The following CTNNAL1 variants were observed in gnomAD, a reference collection of about 807,000 sequenced individuals.
The protein encoded by CTNNAL1 is alpha-catulin.
In CTNNAL1, 69 loss-of-function variants were observed where a neutral mutation model predicts 93.6. The observed-to-expected ratio is 0.74, with a 90% CI of 0.61 to 0.90. CTNNAL1 has a LOEUF of 0.90. Among genes scored for constraint, CTNNAL1 ranks in the 40% least tolerant of loss-of-function variants. CTNNAL1 has a pLI of 0.00. For synonymous variants in CTNNAL1, 286 were observed against 305.4 expected, an observed-to-expected ratio of 0.94 and a Z score of 0.66; for missense variants, 836 against 862.0, an observed-to-expected ratio of 0.97 and a Z score of 0.38.
At chr9:108,997,662 C>T (rs1832072923) in intron 2 of CTNNAL1, among the ~76,000 whole-genome samples, 1 of 152,162 alleles carries the variant, frequency 6.6e-6, no homozygotes, top group Non-Finnish European at 1.5e-5. Context: ...CAGAGTTCCT[C>T]ATCTCAGTAG....
chr9:108,986,772 T>C (rs1831621850), intron 4 of CTNNAL1, among the ~76,000 whole-genome samples: 1 of 152,386 alleles, frequency 6.6e-6, no homozygotes, highest in Non-Finnish European at 1.5e-5. Flanking sequence ...ATTTCTCTGA[T>C]GGCCAGTGAT....
At chr9:108,947,159 A>T (rs1177462724) in intron 15 of CTNNAL1, among the ~76,000 whole-genome samples, 2 of 148,012 alleles carry the variant, frequency 1.4e-5, no homozygotes, top group African/African-American at 5.0e-5. Flanking sequence ...TGTCACCCAG[A>T]CTGGAGTGCA....
intron 1 of CTNNAL1, among the ~76,000 whole-genome samples, chr9:109,001,990 C>T (rs72607159): frequency 0.22 from 33,257 of 152,116 alleles, 4,454 homozygotes; most frequent in Admixed American, 0.3. Context: ...GCTGTAAAAT[C>T]GGGCAGTGAA....
chr9:108,992,755 G>T lies in CTNNAL1; in HGVS notation c.396C>A (p.Ile132=). ...NLNHLESDGQ[I]TIFTDKTGVI... is the part of the protein sequence containing the mutation. The stretch of plus-strand genomic sequence containing the variant: ...CTCCTGTTTTGTCTGTAAAAATTGT[G>T]ATCTGCCCATCAGATTCCAGATGGT... Residue 132 remains isoleucine, a synonymous_variant, in exon 3 of 19, where the codon ATC becomes ATA. Transcript: ENST00000325551. 6.2e-7 allele frequency: 1 copy of T among 1,613,922 alleles called. No homozygotes were observed. The highest frequency in any genetic ancestry group is 8.5e-7 in the Non-Finnish European group (1 of 1,179,926).
chr9:108,979,271 A>C lies in CTNNAL1; in HGVS notation c.1101+10T>G. The C allele has an allele frequency of 6.2e-7, 1 of 1,613,686 alleles. No individual in the cohort carries two copies. Among genetic ancestry groups the C allele is most frequent in the Non-Finnish European group, 8.5e-7 (1 of 1,179,906 alleles). On this transcript the variant is annotated intron_variant, in intron 7 of 18. Transcript: ENST00000325551. ...ATAAGATTTACTTTGATTTTAAAAA[A>C]AGTTCTTACAGCTTGAATCCACACA...
In CTNNAL1 at chr9:108,976,113, T is replaced by C. The variant is rs1228387563; in HGVS notation, c.1188+849A>G. On this transcript the variant is annotated intron_variant, in intron 8 of 18. Transcript: ENST00000325551. ...TAATCACAACAACTAATTTTGAACA[T>C]TTCCATCATGCCAAAAAGTCCTCCC... Among the ~76,000 whole-genome samples the C allele has an allele frequency of 5.3e-5, 8 of 152,334 alleles. No homozygotes were observed. In the South Asian group the frequency reaches 1.0e-3, roughly 20 times the overall value.
intron 2 of CTNNAL1, among the ~76,000 whole-genome samples, chr9:108,996,257 C>T (rs1430590887): frequency 6.6e-6 from 1 of 152,152 alleles, no homozygotes; most frequent in East Asian, 1.9e-4. Flanking sequence ...CAACTGCACC[C>T]AGCCAGCTCC....
intron 10 of CTNNAL1, among the ~76,000 whole-genome samples, chr9:108,969,617 T>C (rs1216881690): frequency 6.6e-6 from 1 of 152,146 alleles, no homozygotes; most frequent in East Asian, 1.9e-4. Context: ...TAATGTACTA[T>C]TTGCCTAATT....
intron 11 of CTNNAL1, among the ~76,000 whole-genome samples, chr9:108,964,030 T>C (rs998894560): frequency 6.6e-6 from 1 of 152,210 alleles, no homozygotes; most frequent in African/African-American, 2.4e-5. Context: ...CTTCTCTTCA[T>C]TTCCCAACAG....
At chr9:109,008,195 G>A (rs1025457626) in intron 1 of CTNNAL1, among the ~76,000 whole-genome samples, 1 of 107,648 alleles carries the variant, frequency 9.3e-6, no homozygotes, top group African/African-American at 3.6e-5. Flanking sequence ...GTCTCACTCT[G>A]TTACCAGGCT....
intron 6 of CTNNAL1, among the ~76,000 whole-genome samples, chr9:108,981,552 A>C (rs1251260854): frequency 6.6e-6 from 1 of 152,064 alleles, no homozygotes; most frequent in Non-Finnish European, 1.5e-5. Flanking sequence ...TAAAATATTT[A>C]TTAAGAGCAA....
chr9:108,943,131 T>G, intron 17 of CTNNAL1, 87 bp from the exon 18 acceptor site: 1 of 1,216,968 alleles, frequency 8.2e-7, no homozygotes, highest in African/African-American at 1.5e-5. Flanking sequence ...ATGATAAAAT[T>G]TCTCCATATG....
chr9:109,007,221 C>T (rs971719064), intron 1 of CTNNAL1, among the ~76,000 whole-genome samples: 3 of 151,192 alleles, frequency 2.0e-5, no homozygotes, highest in Non-Finnish European at 2.9e-5. Context: ...GGTGACAGAG[C>T]GAGACTCCAT....
At chr9:108,974,213 C>T (rs1269551157) in intron 8 of CTNNAL1, among the ~76,000 whole-genome samples, 1 of 152,156 alleles carries the variant, frequency 6.6e-6, no homozygotes, top group Non-Finnish European at 1.5e-5. Flanking sequence ...CATGGATATA[C>T]CCATATAAGA....
At chr9:109,002,589 C>G (rs964582427) in intron 1 of CTNNAL1, among the ~76,000 whole-genome samples, 20 of 152,086 alleles carry the variant, frequency 1.3e-4, no homozygotes, top group African/African-American at 4.6e-4. Context: ...GAAGGTGCTA[C>G]CTGGTTTCTT....
chr9:108,972,864 G>GGGGGGGGGTGCCCCCC, intron 8 of CTNNAL1, 31 bp from the exon 9 acceptor site: 1 of 142,590 alleles, frequency 7.0e-6, no homozygotes, highest in Non-Finnish European at 1.0e-5. Context: ...GGGGGGGTGG[G>GGGGGGGGGTGCCCCCC]AGGGTGGAGA....
chr9:108,970,198 C>G (rs1391241618), intron 10 of CTNNAL1, among the ~76,000 whole-genome samples: 1 of 152,132 alleles, frequency 6.6e-6, no homozygotes, highest in Non-Finnish European at 1.5e-5. Context: ...TTAAATGAAC[C>G]AGTCTCCAAT....
chr9:109,002,709 A>G (rs1225242173), intron 1 of CTNNAL1, among the ~76,000 whole-genome samples: 1 of 152,132 alleles, frequency 6.6e-6, no homozygotes, highest in East Asian at 1.9e-4. Flanking sequence ...CATGCCGTGC[A>G]TGGTGGCTTA....
rs1830926166 is a variant in CTNNAL1 at position 108,965,401 on chromosome 9, T to C, written c.1568A>G (p.Asn523Ser). Residue 523 changes from asparagine to serine, a missense_variant, in exon 11 of 19, where the codon AAT becomes AGT. Transcript: ENST00000325551. ...SDMSTLLREI[N>S]DVFEGRRGEK... ...ACCTCGTCTTCCTTCAAACACGTCA[T>C]TGATTTCTCTCAGCAGTGTTGACAT... 3 of 1,536,560 alleles carry C rather than the reference T, an allele frequency of 2.0e-6. No homozygotes were observed. Among genetic ancestry groups the C allele is most frequent in the East Asian group, 2.4e-5 (1 of 41,080 alleles).
Sources: gnomAD v4.1 joint callset for allele counts (sites outside exome capture counted in the v4.1 genomes callset) on GRCh38, gnomAD v4.1.1 for gene constraint, MANE v1.5 for transcripts, NCBI Gene and HGNC (gene_info 2026-07-23, HGNC 2026-07-21) for gene names.